Variants in ALG13 observed in about 807,000 individuals in gnomAD.
The protein encoded by ALG13 is ALG13 UDP-N-acetylglucosaminyltransferase subunit.
Under a neutral mutation model 87.8 loss-of-function variants are expected in ALG13, and 11 were observed. The ratio of observed to expected loss-of-function variants is 0.13; its 90% CI spans 0.08 to 0.21. The LOEUF is 0.21. Ranked by LOEUF, ALG13 falls within the 10% of genes least tolerant of loss-of-function variation. The pLI is 1.00. For synonymous variants in ALG13, 320 were observed against 306.3 expected (o/e 1.04, Z -0.47); for missense variants, 756 against 866.1 (o/e 0.87, Z 1.60).
chrX:111,701,172 T>A (rs1164034302), intron 3 of ALG13, among the ~76,000 whole-genome samples: 1 of 111,980 alleles, frequency 8.9e-6, no homozygotes, highest in Non-Finnish European at 1.9e-5. Flanking sequence ...TGTAAATTTC[T>A]ATTTTTGTAG....
At chrX:111,699,872 G>A (rs1432143546) in intron 3 of ALG13, among the ~76,000 whole-genome samples, 1 of 109,722 alleles carries the variant, frequency 9.1e-6, no homozygotes, top group East Asian at 2.8e-4. Flanking sequence ...GGGATCTTCC[G>A]TGGTTCTATA....
intron 24 of ALG13, among the ~76,000 whole-genome samples, chrX:111,745,775 T>C (rs1944182950): frequency 9.0e-6 from 1 of 111,177 alleles, no homozygotes; most frequent in Non-Finnish European, 1.9e-5. Context: ...ACACAAAACA[T>C]TGACTTTTCT....
chrX:111,754,210 A>G (rs1945021984), intron 25 of ALG13, among the ~76,000 whole-genome samples: 1 of 111,895 alleles, frequency 8.9e-6, no homozygotes, highest in Non-Finnish European at 1.9e-5. Flanking sequence ...AAGGCCTTCT[A>G]TAAAATTCAG....
intron 8 of ALG13, among the ~76,000 whole-genome samples, chrX:111,713,629 T>C (rs946445023): frequency 8.9e-6 from 1 of 112,260 alleles, no homozygotes; most frequent in African/African-American, 3.2e-5. Context: ...TCCATCCTTA[T>C]TATGCCATGC....
intron 19 of ALG13, 148 bp downstream of exon 19, chrX:111,728,453 G>C (rs1005124729): frequency 8.5e-5 from 56 of 655,349 alleles, no homozygotes; most frequent in Non-Finnish European, 1.2e-4. Flanking sequence ...AATGCTTGCT[G>C]GGTTTTTGAA....
chrX:111,687,754 TATAAAAATTCACATGTGCAGTTTTTA>T, intron 3 of ALG13: 4 of 477,086 alleles, frequency 8.4e-6, no homozygotes. Context: ...TATTAAAATA[TATAAAAATTCACATGTGCAGTTTTTA>T]GAAGTACCAC....
At chrX:111,683,579 T>A (rs1290941992) in intron 2 of ALG13, among the ~76,000 whole-genome samples, 3 of 109,152 alleles carry the variant, frequency 2.7e-5, no homozygotes, top group Non-Finnish European at 3.8e-5. Context: ...GCTCAGGCAA[T>A]CCACCTGCCT....
chrX:111,712,423 G>GA (rs1207767403), intron 6 of ALG13, 61 bp from the exon 7 acceptor site: 2 of 828,061 alleles, frequency 2.4e-6, no homozygotes, highest in Non-Finnish European at 3.4e-6. Context: ...TGTTGTGCTT[G>GA]AAAAAACTAC....
chrX:111,726,910 C>T lies in ALG13; in HGVS notation c.1831C>T (p.Leu611Phe), dbSNP rs199505558. The T allele has an allele frequency of 8.5e-5, 103 of 1,209,548 alleles. No homozygotes were observed. Among genetic ancestry groups the T allele is most frequent in the Non-Finnish European group, 1.1e-4 (96 of 895,096 alleles). ...TMAYGKGDPL[L>F]PPRLQHSMHY... ...GGCTTACGGCAAGGGAGACCCCCTC[C>T]TCCCACCCAGGCTGCAGCACAGTAT... Residue 611 changes from leucine (L) to phenylalanine (F), a missense_variant, in exon 16 of 27, where the codon CTC (leucine) becomes TTC (phenylalanine). By Grantham distance (22) the Leu-to-Phe change is conservative (BLOSUM62 0). Around this residue, in one of 9 missense-constraint regions of ALG13, gnomAD observed 362 missense variants for 383.5 expected, o/e 0.94. Coordinates refer to ENST00000394780, the MANE Select transcript of ALG13 (RefSeq NM_001099922.3).
At chrX:111,705,420 C>A (rs374282610) in intron 3 of ALG13, among the ~76,000 whole-genome samples, 2 of 111,523 alleles carry the variant, frequency 1.8e-5, no homozygotes, top group Non-Finnish European at 3.8e-5. Flanking sequence ...TTATTCCAGT[C>A]TATGGCTTGT....
intron 24 of ALG13, among the ~76,000 whole-genome samples, chrX:111,748,419 T>C (rs1025118650): frequency 5.3e-5 from 6 of 112,375 alleles, no homozygotes; most frequent in African/African-American, 1.9e-4. Flanking sequence ...GTTTTGCATT[T>C]TACTTTTAGG....
intron 3 of ALG13, chrX:111,688,098 T>C (rs1442298718): frequency 1.2e-6 from 1 of 857,682 alleles, no homozygotes; most frequent in Non-Finnish European, 1.4e-6. Flanking sequence ...TACAAAATAA[T>C]ATAATTAATA....
At chrX:111,696,495 C>T (rs1208994142) in intron 3 of ALG13, among the ~76,000 whole-genome samples, 2 of 111,621 alleles carry the variant, frequency 1.8e-5, no homozygotes, top group African/African-American at 3.3e-5. Context: ...TTTTGTCATA[C>T]ACATTTACAA....
intron 25 of ALG13, among the ~76,000 whole-genome samples, chrX:111,755,943 TTTTA>T (rs1347964246): frequency 8.9e-6 from 1 of 112,597 alleles, no homozygotes; most frequent in Non-Finnish European, 1.9e-5. Flanking sequence ...TTATAAATCA[TTTTA>T]TAAAGACACA....
chrX:111,703,194 A>G (rs1221458454), intron 3 of ALG13, among the ~76,000 whole-genome samples: 1 of 109,615 alleles, frequency 9.1e-6, no homozygotes, highest in Non-Finnish European at 1.9e-5. Flanking sequence ...TGTCATCATC[A>G]TCATCATCAT....
chrX:111,696,515 G>A (rs764673314), intron 3 of ALG13, among the ~76,000 whole-genome samples: 39 of 111,477 alleles, frequency 3.5e-4, no homozygotes, highest in African/African-American at 1.2e-3. Context: ...ACTATACCTT[G>A]TATGTCACAG....
At chrX:111,717,982 C>T in intron 9 of ALG13, 55 bp downstream of exon 9, 3 of 1,108,644 alleles carry the variant, frequency 2.7e-6, no homozygotes, top group East Asian at 6.1e-5. Flanking sequence ...TGTTTTCACT[C>T]AGGGACCCAC....
At chrX:111,747,062 G>A (rs966381900) in intron 24 of ALG13, among the ~76,000 whole-genome samples, 2 of 111,529 alleles carry the variant, frequency 1.8e-5, no homozygotes, top group Admixed American at 1.9e-4. Context: ...AACCTACCTT[G>A]GCACATCATT....
chrX:111,702,636 A>G (rs183799888), intron 3 of ALG13, among the ~76,000 whole-genome samples: 87 of 110,494 alleles, frequency 7.9e-4, no homozygotes, highest in Non-Finnish European at 1.5e-3. Context: ...GGAAATGCTT[A>G]TTTTCTAGTC....
Sources: allele counts gnomAD v4.1 joint callset (sites outside exome capture counted in the v4.1 genomes callset), GRCh38; gene constraint gnomAD v4.1.1; regional missense constraint gnomAD v4.1.1; transcripts MANE v1.5; gene names NCBI Gene and HGNC (gene_info 2026-07-23, HGNC 2026-07-21).